Variants in MYLIP observed in about 807,000 individuals in gnomAD.
MYLIP encodes E3 ubiquitin-protein ligase MYLIP.
MYLIP carries 26 observed loss-of-function variants against 45.8 expected under a neutral mutation model. The observed-to-expected ratio is 0.57, with a 90% confidence interval of 0.42 to 0.79. The LOEUF (loss-of-function observed/expected upper bound fraction) is 0.79. MYLIP is among the 30% of genes least tolerant of loss of function. The pLI is 0.00. For synonymous variants in MYLIP, 213 were observed against 218.1 expected (o/e 0.98, Z 0.21); for missense variants, 494 against 555.6 (o/e 0.89, Z 1.11).
At chr6:16,132,536 T>C (rs1176264106) in intron 2 of MYLIP, among the ~76,000 whole-genome samples, 1 of 152,216 alleles carries the variant, frequency 6.6e-6, no homozygotes, top group Non-Finnish European at 1.5e-5. Flanking sequence ...AAGTGTGACC[T>C]TAACTTTTAA....
the MYLIP span, among the ~76,000 whole-genome samples, chr6:16,153,453 A>G: frequency 6.6e-6 from 1 of 152,236 alleles, no homozygotes; most frequent in Non-Finnish European, 1.5e-5. Flanking sequence ...TGACTGAGGA[A>G]ACTTGCTCCA....
At chr6:16,140,067 G>C (rs918922012) in intron 2 of MYLIP, among the ~76,000 whole-genome samples, 1 of 152,162 alleles carries the variant, frequency 6.6e-6, no homozygotes, top group Non-Finnish European at 1.5e-5. Context: ...CCTTGCTCAT[G>C]TTCCTCTACC....
chr6:16,146,864 T>G lies in MYLIP; in HGVS notation c.*113T>G. 1 of 840,732 alleles carries G rather than the reference T, an allele frequency of 1.2e-6. No homozygotes were observed. Among genetic ancestry groups the G allele is most frequent in the South Asian group, 2.3e-5 (1 of 44,042 alleles). 52.1% of individuals were successfully genotyped at this position (840,732 alleles called of 1,614,324 possible). On this transcript the variant is annotated 3_prime_UTR_variant, in exon 7 of 7. Transcript: ENST00000356840. ...ATTCCAACACCCATCTGCCATGCGA[T>G]GTTAAAAAAAAAAAAAAGGAAGAAA...
chr6:16,162,285 G>A, the MYLIP span, among the ~76,000 whole-genome samples: 4 of 152,194 alleles, frequency 2.6e-5, no homozygotes, highest in Non-Finnish European at 5.9e-5. Flanking sequence ...GCTCAGAGCA[G>A]ACCAGACTGA....
rs373945462 is a variant in MYLIP at position 16,141,583 on chromosome 6, G to C, written c.279-42G>C. On this transcript the variant is annotated intron_variant, in intron 2 of 6. Coordinates refer to ENST00000356840, the MANE Select transcript of MYLIP (RefSeq NM_013262.4). ...GCTAAGTAGGCTGAGATTGATGTCAGGTTATCCCCAAGCATAACCTCACTC... is the reference window on the plus strand; with the variant it reads ...GCTAAGTAGGCTGAGATTGATGTCACGTTATCCCCAAGCATAACCTCACTC... 1.1e-5 allele frequency: 17 copies of C among 1,548,704 alleles called. No homozygotes were observed. The African/African-American group carries it at 2.0e-4, about 19-fold the overall frequency.
the MYLIP span, among the ~76,000 whole-genome samples, chr6:16,158,490 A>G: frequency 4.6e-4 from 70 of 152,332 alleles, no homozygotes; most frequent in Non-Finnish European, 9.0e-4. Context: ...AACAGGATTG[A>G]TATATGTGAA....
At chr6:16,132,419 G>A (rs997997347) in intron 2 of MYLIP, among the ~76,000 whole-genome samples, 1 of 152,106 alleles carries the variant, frequency 6.6e-6, no homozygotes, top group Admixed American at 6.5e-5. Flanking sequence ...TGATTCAATT[G>A]ACTTGGACTC....
the MYLIP span, among the ~76,000 whole-genome samples, chr6:16,162,140 C>A: frequency 6.6e-6 from 1 of 152,162 alleles, no homozygotes; most frequent in Non-Finnish European, 1.5e-5. Flanking sequence ...ATGGCCAAGG[C>A]CTGTGTGGTA....
At chr6:16,132,761 T>C (rs1199244155) in intron 2 of MYLIP, among the ~76,000 whole-genome samples, 4 of 152,248 alleles carry the variant, frequency 2.6e-5, no homozygotes, top group South Asian at 4.1e-4. Flanking sequence ...TGTTTACAAA[T>C]GCTAGCAAAT....
chr6:16,148,708 G>A (rs1759843410), downstream of MYLIP, among the ~76,000 whole-genome samples: 1 of 152,108 alleles, frequency 6.6e-6, no homozygotes, highest in Admixed American at 6.5e-5. Flanking sequence ...CTCAAGACAG[G>A]GGAGTGGCCT....
At chr6:16,132,527 A>T (rs762090699) in intron 2 of MYLIP, among the ~76,000 whole-genome samples, 20 of 152,214 alleles carry the variant, frequency 1.3e-4, no homozygotes, top group Admixed American at 3.3e-4. Context: ...GGAAAAGTTA[A>T]GTGTGACCTT....
chr6:16,129,354 T>C lies in MYLIP; in HGVS notation c.32T>C (p.Val11Ala). MLCYVTRPDA[V>A]LMEVEVEAKA... ...TGTTATGTGACGAGGCCGGACGCGGTGCTGATGGAGGTGGAGGTGGAGGCG... is the reference window on the plus strand; with the variant it reads ...TGTTATGTGACGAGGCCGGACGCGGCGCTGATGGAGGTGGAGGTGGAGGCG... The change falls in exon 1 of 7, where the codon GTG (valine) becomes GCG (alanine). Residue 11 changes from valine (V) to alanine (A), a missense_variant. Val to Ala is a moderately conservative substitution (Grantham distance 64). Transcript: ENST00000356840. This position sits in a 1 kb window ranked among gnomAD's most constrained non-coding sequence, Gnocchi z 5.1. 6.3e-7 allele frequency: 1 copy of C among 1,588,150 alleles called. No individual in the cohort carries two copies. Among genetic ancestry groups the C allele is most frequent in the Non-Finnish European group, 8.6e-7 (1 of 1,167,758 alleles).
chr6:16,144,782 C>T (rs2113564818), intron 5 of MYLIP, 115 bp from the exon 6 acceptor site: 1 of 1,176,358 alleles, frequency 8.5e-7, no homozygotes, highest in East Asian at 2.4e-5. Context: ...TACTTTCATA[C>T]ATGCAGACGA....
At chr6:16,148,932 T>C (rs947113092), downstream of MYLIP, among the ~76,000 whole-genome samples, 2 of 152,210 alleles carry the variant, frequency 1.3e-5, no homozygotes, top group African/African-American at 4.8e-5. Flanking sequence ...ATTTATTTTT[T>C]TTAATTAGAG....
At chr6:16,163,081 T>A in the MYLIP span, among the ~76,000 whole-genome samples, 5 of 152,080 alleles carry the variant, frequency 3.3e-5, no homozygotes, top group African/African-American at 4.8e-5. Context: ...ATCTAGGTCA[T>A]CCTGACAACA....
chr6:16,157,573 T>A, the MYLIP span, among the ~76,000 whole-genome samples: 1 of 152,244 alleles, frequency 6.6e-6, no homozygotes, highest in Non-Finnish European at 1.5e-5. Context: ...AGCCTAGAGA[T>A]CCCAGACTGT....
downstream of MYLIP, among the ~76,000 whole-genome samples, chr6:16,150,125 C>T (rs76698678): frequency 1.5e-4 from 23 of 152,260 alleles, no homozygotes; most frequent in East Asian, 3.7e-3. Flanking sequence ...GCTGAGCATG[C>T]GTCCCTGAAA....
chr6:16,146,596 C>A, intron 6 of MYLIP, 66 bp from the exon 7 acceptor site: 1 of 1,267,696 alleles, frequency 7.9e-7, no homozygotes, highest in Non-Finnish European at 1.1e-6. Context: ...CAGGGGTGTG[C>A]ACAGAGACAC....
chr6:16,155,237 G>T, the MYLIP span, among the ~76,000 whole-genome samples: 1 of 152,110 alleles, frequency 6.6e-6, no homozygotes, highest in East Asian at 1.9e-4. Flanking sequence ...CGGGAATCTG[G>T]CCAAAAGACC....
Sources: allele counts gnomAD v4.1 joint callset (sites outside exome capture counted in the v4.1 genomes callset), GRCh38; gene constraint gnomAD v4.1.1; non-coding constraint Gnocchi (gnomAD v3.1); transcripts MANE v1.5; gene names NCBI Gene and HGNC (gene_info 2026-07-23, HGNC 2026-07-21).